Variants in NRCAM observed in about 807,000 individuals in gnomAD.
The protein encoded by NRCAM is NgCAM-related cell adhesion molecule.
In NRCAM, 83 loss-of-function variants were observed where a neutral mutation model predicts 156.5. The observed-to-expected ratio is 0.53, with a 90% CI of 0.44 to 0.64. The LOEUF (loss-of-function observed/expected upper bound fraction) is 0.64. Ranked by LOEUF, NRCAM falls within the 30% of genes least tolerant of loss-of-function variation. The pLI is 0.00. For synonymous variants in NRCAM, 538 were observed against 563.9 expected (o/e 0.95, Z 0.65); for missense variants, 1,417 against 1,597.3 (o/e 0.89, Z 1.92).
At chr7:108,223,514 T>C (rs1247010717) in intron 11 of NRCAM, among the ~76,000 whole-genome samples, 1 of 152,206 alleles carries the variant, frequency 6.6e-6, no homozygotes, top group Non-Finnish European at 1.5e-5. Flanking sequence ...TTACTGATAC[T>C]TATTTCAATA....
intron 3 of NRCAM, among the ~76,000 whole-genome samples, chr7:108,297,199 G>C (rs1006064746): frequency 1.3e-5 from 2 of 152,176 alleles, no homozygotes; most frequent in African/African-American, 4.8e-5. Flanking sequence ...CAAAGATTTT[G>C]AGAACAGTTT....
intron 1 of NRCAM, among the ~76,000 whole-genome samples, chr7:108,409,720 T>C (rs1792973033): frequency 6.6e-6 from 1 of 152,168 alleles, no homozygotes; most frequent in Admixed American, 6.5e-5. Context: ...CTTATTTTAG[T>C]AGTGAAAAAT....
chr7:108,289,727 T>C (rs937232308), intron 3 of NRCAM, among the ~76,000 whole-genome samples: 3 of 152,126 alleles, frequency 2.0e-5, no homozygotes, highest in Admixed American at 6.6e-5. Context: ...TGACTTGTAA[T>C]AGAAAATTAT....
Position 108,215,212 on chromosome 7 carries a change from A to ATTTT in NRCAM, c.891-5611_891-5608dup, listed in dbSNP as rs71137615. On this transcript the variant is annotated intron_variant, in intron 11 of 32. Transcript: ENST00000379028. ...CAGCAGGGTGTTAAAGTGTCCCACT[A>ATTTT]TTTTTTTTTTTTTTTTTTGAGATGG... Among the ~76,000 whole-genome samples the ATTTT allele has an allele frequency of 5.1e-3, 642 of 126,526 alleles. 11 individuals carry two copies. The highest frequency in any genetic ancestry group is 9.9e-3 in the African/African-American group (330 of 33,440). The allele number at this position is 126,526 out of a possible 152,430, so 83.0% of individuals were successfully genotyped here.
chr7:108,149,932 T>C lies in NRCAM; in HGVS notation c.3893A>G (p.Asn1298Ser), dbSNP rs2040270494. The C allele has an allele frequency of 1.2e-6, 2 of 1,610,654 alleles. No homozygotes were observed. Among genetic ancestry groups the C allele is most frequent in the Non-Finnish European group, 1.7e-6 (2 of 1,179,166 alleles). The change falls in exon 33 of 33, where the codon AAC becomes AGC. Residue 1298 changes from asparagine (N) to serine (S), a missense_variant. Around this residue, in one of 2 missense-constraint regions of NRCAM, gnomAD observed 179 missense variants for 260.9 expected, o/e 0.69. Transcript: ENST00000379028. ...NESSEAPSPVNAMNSFV is the reference protein window; with the variant it reads ...NESSEAPSPVSAMNSFV The stretch of plus-strand genomic sequence containing the variant: ...AAATTAAACAAAGGAATTCATGGCG[T>C]TGACAGGAGAAGGTGCCTCTGAGCT...
chr7:108,188,072 T>A (rs1376777325), intron 20 of NRCAM, among the ~76,000 whole-genome samples: 1 of 152,086 alleles, frequency 6.6e-6, no homozygotes, highest in East Asian at 1.9e-4. Context: ...TGGTCTGACA[T>A]CTGTAACAGG....
Position 108,194,341 on chromosome 7 carries a change from C to T in NRCAM, c.1551G>A (p.Lys517=). 1 of 1,613,342 alleles carries T rather than the reference C, an allele frequency of 6.2e-7. No individual in the cohort carries two copies. Among genetic ancestry groups the T allele is most frequent in the South Asian group, 1.1e-5 (1 of 90,944 alleles). ...NGTLEIPVAQ[K]DSTGTYTCVA... ...CACACGTATAAGTTCCTGTACTGTC[C>T]TTTTGGGCCACAGGAATTTCCAAAG... is the stretch of plus-strand genomic sequence containing the variant. Residue 517 remains lysine, a synonymous_variant, in exon 16 of 33, where the codon AAG becomes AAA. Transcript: ENST00000379028.
intron 20 of NRCAM, among the ~76,000 whole-genome samples, chr7:108,185,640 G>C (rs1169337547): frequency 1.3e-5 from 2 of 150,266 alleles, no homozygotes; most frequent in Non-Finnish European, 2.9e-5. Context: ...GATCACCTGA[G>C]CCCAGAAAGT....
intron 2 of NRCAM, among the ~76,000 whole-genome samples, chr7:108,319,903 G>A (rs537645586): frequency 6.6e-6 from 1 of 152,186 alleles, no homozygotes; most frequent in East Asian, 1.9e-4. Flanking sequence ...TTTATCCTAA[G>A]GGCAATGGGA....
At chr7:108,447,558 C>T (rs1845851691) in intron 1 of NRCAM, among the ~76,000 whole-genome samples, 1 of 150,972 alleles carries the variant, frequency 6.6e-6, no homozygotes, top group South Asian at 2.1e-4. Context: ...GTGTGAGCCA[C>T]TGCGCCCGAC....
chr7:108,231,006 G>A, intron 8 of NRCAM, 25 bp downstream of exon 8: 1 of 1,550,690 alleles, frequency 6.4e-7, no homozygotes, highest in Non-Finnish European at 8.9e-7. Context: ...TTTAAAGAAA[G>A]AAAGTTCATA....
chr7:108,182,782 C>A lies in NRCAM; in HGVS notation c.2443G>T (p.Val815Phe), dbSNP rs2064238532. ...KYIVSGTPTF[V>F]PYLIKVQALN... ...GCCTGAACTTTGATCAGGTATGGAA[C>A]AAAGGTTGGCGTGCCTGAGACAATA... The change falls in exon 23 of 33, where the codon GTT (valine) becomes TTT (phenylalanine). Residue 815 changes from valine to phenylalanine, a missense_variant. Physicochemically the swap from Val to Phe is conservative, Grantham distance 50. This residue lies in a region of NRCAM where 1,238 missense variants were observed against 1,336.4 expected (regional missense o/e 0.93). Coordinates refer to ENST00000379028, the MANE Select transcript of NRCAM (RefSeq NM_001037132.4). The A allele has an allele frequency of 1.2e-6, 2 of 1,614,212 alleles. No homozygotes were observed. Among genetic ancestry groups the A allele is most frequent in the African/African-American group, 1.3e-5 (1 of 75,050 alleles).
At chr7:108,287,801 CAGTA>C (rs1297300595) in intron 3 of NRCAM, among the ~76,000 whole-genome samples, 1 of 151,750 alleles carries the variant, frequency 6.6e-6, no homozygotes, top group Admixed American at 6.6e-5. Context: ...CTGTGGAAAA[CAGTA>C]AGGAGATTTT....
chr7:108,340,035 T>C (rs992803290), intron 2 of NRCAM, among the ~76,000 whole-genome samples: 2 of 152,176 alleles, frequency 1.3e-5, no homozygotes, highest in Admixed American at 6.5e-5. Context: ...TGGAGTGAAG[T>C]GCCATATGTA....
chr7:108,251,999 A>G (rs1273008493), intron 3 of NRCAM, among the ~76,000 whole-genome samples: 2 of 152,232 alleles, frequency 1.3e-5, no homozygotes, highest in Admixed American at 1.3e-4. Flanking sequence ...AGCATCCAAC[A>G]GAATTTACAA....
intron 28 of NRCAM, among the ~76,000 whole-genome samples, chr7:108,169,903 G>C (rs776664384): frequency 2.0e-5 from 3 of 152,130 alleles, no homozygotes; most frequent in Non-Finnish European, 4.4e-5. Context: ...TCTAACACAA[G>C]AGCATTTACT....
rs546132405 is a variant in NRCAM, at chr7:108,266,144, G to T, written c.-106-25974C>A. 2.0e-5 allele frequency among the ~76,000 whole-genome samples: 3 copies of T among 152,156 alleles called. No homozygotes were observed. In the South Asian group the frequency reaches 6.2e-4, roughly 32 times the overall value. On this transcript the variant is annotated intron_variant, in intron 3 of 32. Transcript: ENST00000379028. ...GGCCATTCCACAGTGTTCTTTGTAA[G>T]CTTTCCCTCACATCATTGTTTTGGA...
intron 3 of NRCAM, among the ~76,000 whole-genome samples, chr7:108,293,835 G>A (rs181312925): frequency 5.9e-5 from 9 of 152,310 alleles, no homozygotes; most frequent in African/African-American, 1.9e-4. Context: ...TTATTACTGT[G>A]AGTTAGATAC....
rs1263728737 is a variant in NRCAM, at chr7:108,178,074, T to C, written c.2890A>G (p.Thr964Ala). 2 of 1,613,644 alleles carry C rather than the reference T, an allele frequency of 1.2e-6. No individual in the cohort carries two copies. Among genetic ancestry groups the C allele is most frequent in the Non-Finnish European group, 1.7e-6 (2 of 1,179,664 alleles). Residue 964 changes from threonine (T) to alanine (A), a missense_variant, in exon 26 of 33, where the codon ACA (threonine) becomes GCA (alanine). Around this residue, in one of 2 missense-constraint regions of NRCAM, gnomAD observed 1,238 missense variants for 1,336.4 expected, o/e 0.93. Transcript: ENST00000379028. ...APSSLKIVNP[T>A]LDSLTLEWDP... ...CATTCCAAAGTGAGAGAGTCCAGTG[T>C]TGGATTCACAATCTTCAAAGACGAG...
Sources: gnomAD v4.1 joint callset for allele counts (sites outside exome capture counted in the v4.1 genomes callset) on GRCh38, gnomAD v4.1.1 for gene constraint, gnomAD v4.1.1 regional missense constraint, MANE v1.5 for transcripts, NCBI Gene and HGNC (gene_info 2026-07-23, HGNC 2026-07-21) for gene names.